PARP4: variants seen among roughly 807,000 people sequenced by gnomAD.
PARP4 encodes protein mono-ADP-ribosyltransferase PARP4.
Under a neutral mutation model 187.7 loss-of-function variants are expected in PARP4, and 120 were observed. The observed-to-expected ratio is 0.64, with a 90% CI of 0.55 to 0.74. The LOEUF (loss-of-function observed/expected upper bound fraction) is 0.74, where lower values mean the gene tolerates loss of function less well. Ranked by LOEUF, PARP4 falls within the 30% of genes least tolerant of loss-of-function variation. The pLI, the probability that PARP4 is intolerant of heterozygous loss-of-function variation, is 0.00. For missense variants in PARP4, 1,836 were observed against 2,070.5 expected, an observed-to-expected ratio of 0.89 and a Z score of 2.20; for synonymous variants, 654 against 740.9, an observed-to-expected ratio of 0.88 and a Z score of 1.90.
intron 12 of PARP4, among the ~76,000 whole-genome samples, chr13:24,483,711 C>T (rs1873399885): frequency 6.6e-6 from 1 of 152,044 alleles, no homozygotes; most frequent in Non-Finnish European, 1.5e-5. Context: ...ACTGCAATCT[C>T]TGCCTCCTAG....
Position 24,494,619 on chromosome 13 carries a change from T to C in PARP4, c.695A>G (p.His232Arg). The C allele has an allele frequency of 3.7e-6, 6 of 1,612,228 alleles. No homozygotes were observed. The highest frequency in any genetic ancestry group is 5.1e-6 in the Non-Finnish European group (6 of 1,178,872). ...LKKQGFLLRE[H>R]FTPEATQLAS... ...TAATTGGGTTGCTTCAGGTGTGAAA[T>C]GTTCTCTTAGTAGAAATCCTTGTTT... is the stretch of plus-strand genomic sequence containing the variant. Residue 232 changes from histidine to arginine, a missense_variant, in exon 7 of 34, where the codon CAT (histidine) becomes CGT (arginine). Transcript: ENST00000381989.
At chr13:24,469,132 T>C (rs1417977689) in intron 16 of PARP4, 22 bp from the exon 17 acceptor site, 1 of 1,492,656 alleles carries the variant, frequency 6.7e-7, no homozygotes, top group Middle Eastern at 1.7e-4. Flanking sequence ...GAGTTTTAAA[T>C]CATTCCTTAC....
At chr13:24,480,695 C>A (rs1232604210) in intron 12 of PARP4, among the ~76,000 whole-genome samples, 2 of 152,212 alleles carry the variant, frequency 1.3e-5, no homozygotes, top group Non-Finnish European at 2.9e-5. Flanking sequence ...CAGAGCAAGG[C>A]CCCAACTCTG....
chr13:24,469,490 C>CT (rs891024802), intron 16 of PARP4, among the ~76,000 whole-genome samples: 15 of 151,416 alleles, frequency 9.9e-5, no homozygotes, highest in Middle Eastern at 3.4e-3. Flanking sequence ...TGTTTCTTTT[C>CT]TTTTTTTTTA....
chr13:24,501,685 A>T lies in PARP4; in HGVS notation c.282T>A (p.Pro94=). The change falls in exon 3 of 34, where the codon CCT becomes CCA. Residue 94 remains proline, a synonymous_variant. Transcript: ENST00000381989. ...KRLLDVKNYD[P]YKPLDITPPP... ...GTGGTGTGATGTCCAGGGGCTTATA[A>T]GGATCATAATTCTTTACATCCAAGA... The T allele has an allele frequency of 6.2e-7, 1 of 1,613,622 alleles. No homozygotes were observed. Among genetic ancestry groups the T allele is most frequent in the South Asian group, 1.1e-5 (1 of 91,062 alleles).
At chr13:24,502,102 GTGA>G (rs1184389795) in intron 2 of PARP4, among the ~76,000 whole-genome samples, 1 of 152,174 alleles carries the variant, frequency 6.6e-6, no homozygotes, top group African/African-American at 2.4e-5. Context: ...AAACAACGCT[GTGA>G]TGACTATCCT....
intron 12 of PARP4, among the ~76,000 whole-genome samples, chr13:24,480,097 C>T (rs9581069): frequency 0.015 from 2,238 of 152,294 alleles, 58 homozygotes; most frequent in African/African-American, 0.051. Context: ...CTGGACACGC[C>T]GCCTTTAGGA....
At chr13:24,438,226 G>C (rs1249917795) in intron 30 of PARP4, among the ~76,000 whole-genome samples, 2 of 152,200 alleles carry the variant, frequency 1.3e-5, no homozygotes, top group African/African-American at 4.8e-5. Flanking sequence ...ATTTTTCCAT[G>C]GACAGGGGTG....
chr13:24,449,852 AT>A, intron 24 of PARP4, 35 bp from the exon 25 acceptor site: 1 of 1,309,450 alleles, frequency 7.6e-7, no homozygotes. Context: ...TTTTGAAGAC[AT>A]TAGAAATATT....
chr13:24,424,757 T>C (rs112981511), intron 33 of PARP4, among the ~76,000 whole-genome samples: 62,331 of 147,996 alleles, frequency 0.42, 13,828 homozygotes, highest in African/African-American at 0.56. Context: ...CTGCAAGCTC[T>C]GCCTCCCAGG....
intron 15 of PARP4, among the ~76,000 whole-genome samples, chr13:24,473,188 C>T (rs114371337): frequency 1.9e-3 from 289 of 152,218 alleles, no homozygotes; most frequent in African/African-American, 6.7e-3. Flanking sequence ...TCCCTCCCAA[C>T]GTCCTGGGAT....
At chr13:24,487,713 T>A (rs140610222) in intron 10 of PARP4, among the ~76,000 whole-genome samples, 14,501 of 151,800 alleles carry the variant, frequency 0.096, 617 homozygotes, top group Non-Finnish European at 0.12. Flanking sequence ...TGGCCTCAGG[T>A]CAGCACCTTG....
intron 15 of PARP4, among the ~76,000 whole-genome samples, chr13:24,472,779 T>C (rs1449985775): frequency 3.3e-5 from 5 of 152,176 alleles, no homozygotes; most frequent in African/African-American, 1.2e-4. Flanking sequence ...CCTGTGATGC[T>C]TGTCTTTTGC....
chr13:24,469,793 A>G, intron 16 of PARP4, 101 bp downstream of exon 16: 1 of 1,231,272 alleles, frequency 8.1e-7, no homozygotes. Flanking sequence ...TAAGGCTGCT[A>G]CTCAACCTTG....
Position 24,490,721 on chromosome 13 carries a change from C to T in PARP4, c.1161G>A (p.Gln387=). 1.9e-6 allele frequency: 3 copies of T among 1,614,034 alleles called. No individual in the cohort carries two copies. The highest frequency in any genetic ancestry group is 2.5e-6 in the Non-Finnish European group (3 of 1,179,936). The change falls in exon 10 of 34, where the codon CAG becomes CAA. Residue 387 remains glutamine (Q), a synonymous_variant. Transcript: ENST00000381989. ...TAACCCTGAGAAATTCTTCAGTATT[C>T]TGTTCAACATGCTCAATTTTGCACC... is the stretch of plus-strand genomic sequence containing the variant. ...ALRCKIEHVE[Q]NTEEFLRVRK...
chr13:24,442,246 G>C (rs1181195040), intron 29 of PARP4, among the ~76,000 whole-genome samples: 1 of 86,382 alleles, frequency 1.2e-5, no homozygotes. Flanking sequence ...AGGCCTTTTC[G>C]GCCTTTTCTA....
chr13:24,499,263 T>C (rs769161101), intron 5 of PARP4, 38 bp downstream of exon 5: 3 of 813,678 alleles, frequency 3.7e-6, no homozygotes, highest in Non-Finnish European at 4.9e-6. Flanking sequence ...ACAGGTGTGT[T>C]TTTTTTTTTT....
intron 24 of PARP4, 117 bp from the exon 25 acceptor site, chr13:24,449,934 G>A (rs1252439426): frequency 1.6e-5 from 9 of 561,086 alleles, no homozygotes; most frequent in Admixed American, 3.2e-5. Context: ...GGGGAAGAAT[G>A]TACTCGTGTG....
intron 27 of PARP4, among the ~76,000 whole-genome samples, chr13:24,444,442 T>C (rs1291989941): frequency 3.3e-5 from 5 of 152,262 alleles, no homozygotes; most frequent in African/African-American, 1.2e-4. Flanking sequence ...TGGCAACTAG[T>C]AAGTCAATGA....
Sources: gnomAD v4.1 joint callset for allele counts (sites outside exome capture counted in the v4.1 genomes callset) on GRCh38, gnomAD v4.1.1 for gene constraint, MANE v1.5 for transcripts, NCBI Gene and HGNC (gene_info 2026-07-23, HGNC 2026-07-21) for gene names.